The following SLC15A1 variants were observed in gnomAD, a reference collection of about 807,000 sequenced individuals.
SLC15A1 encodes the protein solute carrier family 15 member 1, also known as Caco-2 oligopeptide transporter.
A neutral mutation model predicts 92.9 loss-of-function variants in SLC15A1; 83 were observed. That is an observed-to-expected ratio of 0.89 (90% CI 0.75 to 1.07). The LOEUF (loss-of-function observed/expected upper bound fraction) is 1.07. Ranked by LOEUF, SLC15A1 falls within the 50% of genes least tolerant of loss-of-function variation. The pLI, the probability that SLC15A1 is intolerant of heterozygous loss-of-function variation, is 0.00. For synonymous variants in SLC15A1, 322 were observed against 318.2 expected, an observed-to-expected ratio of 1.01 and a Z score of -0.13; for missense variants, 857 against 880.1, an observed-to-expected ratio of 0.97 and a Z score of 0.33.
At chr13:98,684,975 T>A (rs2087919282) in intron 22 of SLC15A1, 60 bp from the exon 23 acceptor site, 1 of 1,419,510 alleles carries the variant, frequency 7.0e-7, no homozygotes, top group South Asian at 1.2e-5. Context: ...GTCATACTGA[T>A]GAATATATGG....
chr13:98,694,187 C>G (rs1265476922), intron 18 of SLC15A1, among the ~76,000 whole-genome samples: 4 of 152,156 alleles, frequency 2.6e-5, no homozygotes, highest in Non-Finnish European at 4.4e-5. Context: ...CCCACCGATA[C>G]TCCCTTCTTG....
At chr13:98,723,569 G>C (rs1183455198) in intron 5 of SLC15A1, among the ~76,000 whole-genome samples, 3 of 152,028 alleles carry the variant, frequency 2.0e-5, no homozygotes, top group African/African-American at 7.3e-5. Flanking sequence ...GGAGTCCTGA[G>C]GACACCTGGC....
chr13:98,726,713 T>C (rs1268889460), intron 2 of SLC15A1, 130 bp downstream of exon 2: 8 of 952,758 alleles, frequency 8.4e-6, no homozygotes, highest in African/African-American at 4.9e-5. Context: ...ACATCTCACA[T>C]GGAAATCCGG....
At chr13:98,746,408 A>G (rs1234412747) in intron 1 of SLC15A1, among the ~76,000 whole-genome samples, 5 of 152,184 alleles carry the variant, frequency 3.3e-5, no homozygotes. Context: ...TGCTGGGTCA[A>G]ATGGTAGTTC....
intron 15 of SLC15A1, among the ~76,000 whole-genome samples, chr13:98,707,652 T>TAATG: frequency 6.6e-6 from 1 of 152,272 alleles, no homozygotes; most frequent in Middle Eastern, 3.4e-3. Context: ...CTCATGCCTG[T>TAATG]AATGCCAGGA....
intron 18 of SLC15A1, among the ~76,000 whole-genome samples, chr13:98,696,374 G>A (rs1025103311): frequency 3.3e-5 from 5 of 151,768 alleles, no homozygotes; most frequent in Admixed American, 3.3e-4. Flanking sequence ...GATGGCACCA[G>A]TGCACTCCAG....
At chr13:98,715,246 C>T (rs1239820642) in intron 9 of SLC15A1, among the ~76,000 whole-genome samples, 1 of 152,228 alleles carries the variant, frequency 6.6e-6, no homozygotes, top group Non-Finnish European at 1.5e-5. Flanking sequence ...ACAATCTCGG[C>T]TCACTGCAAC....
intron 7 of SLC15A1, chr13:98,720,987 G>A (rs2139591387): frequency 2.6e-6 from 1 of 380,850 alleles, no homozygotes; most frequent in South Asian, 1.9e-5. Flanking sequence ...AGGAGGTGGA[G>A]GTTGCAGTGA....
chr13:98,748,538 G>T (rs76845516), intron 1 of SLC15A1, among the ~76,000 whole-genome samples: 2 of 152,100 alleles, frequency 1.3e-5, no homozygotes, highest in Non-Finnish European at 2.9e-5. Flanking sequence ...CAAATGATCC[G>T]CCTGTCTCAG....
intron 18 of SLC15A1, among the ~76,000 whole-genome samples, chr13:98,698,019 TA>T (rs1208203495): frequency 6.6e-6 from 1 of 152,136 alleles, no homozygotes; most frequent in East Asian, 1.9e-4. Context: ...GGTAAAGGCT[TA>T]TGTTTTTGTT....
At chr13:98,725,905 T>G (rs1056020216) in intron 4 of SLC15A1, among the ~76,000 whole-genome samples, 4 of 152,210 alleles carry the variant, frequency 2.6e-5, no homozygotes, top group African/African-American at 9.6e-5. Context: ...TCTTTATTTT[T>G]GGTAGAGATG....
chr13:98,686,148 G>T (rs752927768), intron 22 of SLC15A1, 42 bp downstream of exon 22: 5 of 1,431,864 alleles, frequency 3.5e-6, no homozygotes, highest in Non-Finnish European at 3.9e-6. Context: ...ACCATGAACA[G>T]GAAAGACAGA....
chr13:98,726,778 AG>A (rs2088305127), intron 2 of SLC15A1, 64 bp downstream of exon 2: 1 of 1,491,034 alleles, frequency 6.7e-7, no homozygotes, highest in Non-Finnish European at 9.4e-7. Context: ...ATGAACCCTT[AG>A]GGGTAAAACA....
chr13:98,752,055 A>G (rs935800736), intron 1 of SLC15A1, among the ~76,000 whole-genome samples: 3 of 152,034 alleles, frequency 2.0e-5, no homozygotes, highest in African/African-American at 7.2e-5. Flanking sequence ...CCAGCTCCTC[A>G]CCTTCTGTAA....
rs143516109 is a variant in SLC15A1, at chr13:98,719,301, G to C, written c.576C>G (p.His192Gln). 11 of 1,613,260 alleles carry C rather than the reference G, an allele frequency of 6.8e-6. No homozygotes were observed. In the African/African-American group the frequency reaches 9.3e-5, roughly 14 times the overall value. ...CCAGTGGGTAACAAGCTTGTTTACT[G>C]TGAATTCCACATTGTTGAACTGGGG... ...PMLRVQQCGI[H>Q]SKQACYPLAF... The change falls in exon 8 of 23, where the codon CAC (histidine) becomes CAG (glutamine). Residue 192 changes from histidine (H) to glutamine (Q), a missense_variant. His to Gln is a conservative substitution (Grantham distance 24, BLOSUM62 0). Coordinates refer to ENST00000376503, the MANE Select transcript of SLC15A1 (RefSeq NM_005073.4).
At position 98,702,467 on chromosome 13, in the gene SLC15A1, G is replaced by A; in HGVS notation, c.1466+13C>T. On this transcript the variant is annotated intron_variant, in intron 18 of 22. Coordinates refer to ENST00000376503, the MANE Select transcript of SLC15A1 (RefSeq NM_005073.4). ...AATCTGATAAAACTTAAATTTTAAAGAAATATACATACCTGATTCCATTTT... is the reference window on the plus strand; with the variant it reads ...AATCTGATAAAACTTAAATTTTAAAAAAATATACATACCTGATTCCATTTT... The A allele has an allele frequency of 6.3e-7, 1 of 1,586,258 alleles. No individual in the cohort carries two copies.
At chr13:98,712,925 T>C (rs574646927) in intron 9 of SLC15A1, among the ~76,000 whole-genome samples, 1 of 152,352 alleles carries the variant, frequency 6.6e-6, no homozygotes, top group South Asian at 2.1e-4. Context: ...TACATTTGTA[T>C]AACATGATAA....
chr13:98,740,567 C>T (rs1050161919), intron 1 of SLC15A1, among the ~76,000 whole-genome samples: 3 of 152,150 alleles, frequency 2.0e-5, no homozygotes, highest in Non-Finnish European at 4.4e-5. Flanking sequence ...TCCTCGGCTT[C>T]CCAAATCCTC....
At chr13:98,727,266 T>G (rs1421893772) in intron 1 of SLC15A1, among the ~76,000 whole-genome samples, 1 of 152,222 alleles carries the variant, frequency 6.6e-6, no homozygotes, top group Non-Finnish European at 1.5e-5. Context: ...TGACACACTG[T>G]GCACACTCAA....
Sources: gnomAD v4.1 joint callset for allele counts (sites outside exome capture counted in the v4.1 genomes callset) on GRCh38, gnomAD v4.1.1 for gene constraint, MANE v1.5 for transcripts, NCBI Gene and HGNC (gene_info 2026-07-23, HGNC 2026-07-21) for gene names.